The following RNF220 variants were observed in gnomAD, a reference collection of about 807,000 sequenced individuals.
The protein encoded by RNF220 is ring finger protein 220.
Under a neutral mutation model 67.1 loss-of-function variants are expected in RNF220, and 7 were observed. The ratio of observed to expected loss-of-function variants is 0.10; its 90% CI spans 0.06 to 0.20. The LOEUF (loss-of-function observed/expected upper bound fraction) is 0.20, where lower values mean the gene tolerates loss of function less well. Ranked by LOEUF, RNF220 falls within the 10% of genes least tolerant of loss-of-function variation. The pLI is 1.00. For missense variants in RNF220, 565 were observed against 740.3 expected, an observed-to-expected ratio of 0.76 and a Z score of 2.75; for synonymous variants, 270 against 283.2, an observed-to-expected ratio of 0.95 and a Z score of 0.47.
chr1:44,540,732 T>A (rs992365103), intron 2 of RNF220, among the ~76,000 whole-genome samples: 4 of 152,140 alleles, frequency 2.6e-5, no homozygotes, highest in African/African-American at 9.7e-5. Flanking sequence ...TTTTAATGCC[T>A]GCTATTCAGG....
In RNF220 at chr1:44,515,735, G is replaced by A. The variant is rs182107210; in HGVS notation, c.626-98430G>A. Among the ~76,000 whole-genome samples, 6 of 152,330 alleles carry A rather than the reference G, an allele frequency of 3.9e-5. 1 individual carries two copies. Among genetic ancestry groups the A allele is most frequent in the Admixed American group, 3.3e-4 (5 of 15,306 alleles). ...AGAAGGCTCTCTTGGCAATCTCAGA[G>A]TTCTCCGAGCTCTGTAGATGCTCCA... On this transcript the variant is annotated intron_variant, in intron 2 of 14. Coordinates refer to ENST00000361799, the MANE Select transcript of RNF220 (RefSeq NM_018150.4).
At chr1:44,545,709 C>G (rs1353280870) in intron 2 of RNF220, among the ~76,000 whole-genome samples, 1 of 151,722 alleles carries the variant, frequency 6.6e-6, no homozygotes, top group Non-Finnish European at 1.5e-5. Flanking sequence ...GGTGAGACCT[C>G]TGAGCCTCCC....
chr1:44,584,179 G>A (rs961130108), intron 2 of RNF220, among the ~76,000 whole-genome samples: 2 of 152,230 alleles, frequency 1.3e-5, no homozygotes, highest in African/African-American at 4.8e-5. Flanking sequence ...CCTAGCCAGA[G>A]GGTTACAGGA....
At chr1:44,552,633 C>T (rs1350557261) in intron 2 of RNF220, among the ~76,000 whole-genome samples, 1 of 115,898 alleles carries the variant, frequency 8.6e-6, no homozygotes, top group East Asian at 2.7e-4. Context: ...TGCAGTTGCG[C>T]AATCTCGGCT....
intron 2 of RNF220, among the ~76,000 whole-genome samples, chr1:44,588,306 G>T (rs916287486): frequency 2.0e-5 from 3 of 152,320 alleles, no homozygotes; most frequent in Non-Finnish European, 2.9e-5. Context: ...TGCTGGGGCT[G>T]CCAAGCGGCA....
chr1:44,443,510 T>A (rs1651771078), intron 2 of RNF220, among the ~76,000 whole-genome samples: 1 of 152,204 alleles, frequency 6.6e-6, no homozygotes, highest in Non-Finnish European at 1.5e-5. Flanking sequence ...CATGCAGACT[T>A]GTTCATGTCA....
At chr1:44,442,675 C>G (rs1214610438) in intron 2 of RNF220, among the ~76,000 whole-genome samples, 1 of 151,962 alleles carries the variant, frequency 6.6e-6, no homozygotes, top group Non-Finnish European at 1.5e-5. Context: ...CTACCATGCT[C>G]AGCTAATTTT....
rs574576477 is a variant in RNF220 at position 44,453,430 on chromosome 1, C to T, written c.625+40708C>T. On this transcript the variant is annotated intron_variant, in intron 2 of 14. Transcript: ENST00000361799. ...ATTCTTAACAAATTAAATAAATTTT[C>T]TTCTATTACTGGTTTTGCGAGAGTT... Among the ~76,000 whole-genome samples, 3 of 152,118 alleles carry T rather than the reference C, an allele frequency of 2.0e-5. No individual in the cohort carries two copies. The South Asian group carries it at 6.2e-4, about 32-fold the overall frequency.
intron 2 of RNF220, among the ~76,000 whole-genome samples, chr1:44,501,510 G>A (rs1433955168): frequency 6.7e-6 from 1 of 149,660 alleles, no homozygotes; most frequent in African/African-American, 2.6e-5. Context: ...CCGGGCCCAG[G>A]TGGAGGAAGG....
At chr1:44,474,201 C>T (rs1201542193) in intron 2 of RNF220, among the ~76,000 whole-genome samples, 2 of 151,636 alleles carry the variant, frequency 1.3e-5, no homozygotes, top group African/African-American at 4.9e-5. Flanking sequence ...ATGGTGAAAC[C>T]CCGTCTCTAC....
intron 2 of RNF220, among the ~76,000 whole-genome samples, chr1:44,500,704 A>C (rs1443767187): frequency 2.0e-5 from 3 of 152,184 alleles, no homozygotes; most frequent in Admixed American, 1.3e-4. Context: ...ATTCTCTAAT[A>C]GCCTCCTGGC....
At chr1:44,509,482 G>T (rs1326636099) in intron 2 of RNF220, among the ~76,000 whole-genome samples, 1 of 151,070 alleles carries the variant, frequency 6.6e-6, no homozygotes, top group Non-Finnish European at 1.5e-5. Flanking sequence ...CCCAGGAGGC[G>T]GAGCTTGCAG....
At chr1:44,485,485 G>A (rs1339537986) in intron 2 of RNF220, among the ~76,000 whole-genome samples, 5 of 152,162 alleles carry the variant, frequency 3.3e-5, no homozygotes, top group African/African-American at 4.8e-5. Flanking sequence ...ATCAAGAGAG[G>A]CACCGAAATC....
chr1:44,455,514 GA>G (rs1471457083), intron 2 of RNF220, among the ~76,000 whole-genome samples: 1 of 152,046 alleles, frequency 6.6e-6, no homozygotes, highest in Non-Finnish European at 1.5e-5. Flanking sequence ...TTATGGGATG[GA>G]AAAAATGTGG....
chr1:44,562,534 G>A (rs941528239), intron 2 of RNF220, among the ~76,000 whole-genome samples: 1 of 152,188 alleles, frequency 6.6e-6, no homozygotes, highest in Non-Finnish European at 1.5e-5. Context: ...GCCATTTCCT[G>A]AGCAAAGATA....
rs928454182 is a variant in RNF220, at chr1:44,529,729, G to A, written c.626-84436G>A. Among the ~76,000 whole-genome samples the A allele has an allele frequency of 5.3e-5, 8 of 152,126 alleles. No homozygotes were observed. The East Asian group carries it at 1.2e-3, about 22-fold the overall frequency. ...ATTTATTTGAAAAACATAAAAGCAC[G>A]ACAGAACACTTCATAGGCCACTTTA... On this transcript the variant is annotated intron_variant, in intron 2 of 14. Transcript: ENST00000361799.
At chr1:44,581,167 G>A (rs1056432926) in intron 2 of RNF220, among the ~76,000 whole-genome samples, 1 of 152,140 alleles carries the variant, frequency 6.6e-6, no homozygotes, top group Non-Finnish European at 1.5e-5. Flanking sequence ...CTCATCATAC[G>A]GACTCTGCAC....
chr1:44,586,463 G>A lies in RNF220; in HGVS notation c.626-27702G>A, dbSNP rs554633886. Among the ~76,000 whole-genome samples, 20 of 152,298 alleles carry A rather than the reference G, an allele frequency of 1.3e-4. No homozygotes were observed. In the South Asian group the frequency reaches 3.3e-3, roughly 25 times the overall value. ...TGGAAAGGAGGACAGGAGCGCTGAG[G>A]AAGAGCCCCAGATGCCTGAGGAGGG... On this transcript the variant is annotated intron_variant, in intron 2 of 14. Coordinates refer to ENST00000361799, the MANE Select transcript of RNF220 (RefSeq NM_018150.4).
rs144970945 is a variant in RNF220, at chr1:44,453,141, G to T, written c.625+40419G>T. On this transcript the variant is annotated intron_variant, in intron 2 of 14. Transcript: ENST00000361799. ...TGGTTATAGTTGGTGTATAGGAAAA[G>T]GATTAATTTTTGTGGCTGATCTTTT... Among the ~76,000 whole-genome samples, 1,311 of 152,206 alleles carry T rather than the reference G, an allele frequency of 8.6e-3. 18 individuals carry two copies. Among genetic ancestry groups the T allele is most frequent in the African/African-American group, 0.03 (1,231 of 41,504 alleles).
Sources: allele counts gnomAD v4.1 joint callset (sites outside exome capture counted in the v4.1 genomes callset), GRCh38; gene constraint gnomAD v4.1.1; transcripts MANE v1.5; gene names NCBI Gene and HGNC (gene_info 2026-07-23, HGNC 2026-07-21).